The following RSBN1 variants were observed in gnomAD, a reference collection of about 807,000 sequenced individuals.
RSBN1 encodes lysine-specific demethylase 9.
RSBN1 carries 23 observed loss-of-function variants against 74.8 expected under a neutral mutation model. That is an observed-to-expected ratio of 0.31 (90% confidence interval 0.22 to 0.44). The LOEUF (loss-of-function observed/expected upper bound fraction) is 0.44. Among genes scored for constraint, RSBN1 ranks in the 20% least tolerant of loss-of-function variants. RSBN1 has a pLI of 1.00. For missense variants in RSBN1, 808 were observed against 1,020.9 expected, an observed-to-expected ratio of 0.79 and a Z score of 2.84; for synonymous variants, 407 against 379.6, an observed-to-expected ratio of 1.07 and a Z score of -0.84.
intron 1 of RSBN1, among the ~76,000 whole-genome samples, chr1:113,802,827 A>T (rs1313069637): frequency 6.6e-6 from 1 of 152,076 alleles, no homozygotes; most frequent in Non-Finnish European, 1.5e-5. Flanking sequence ...GTTACAACTG[A>T]TAAGTCTACA....
rs115157007 is a variant in RSBN1 at position 113,792,877 on chromosome 1, C to T, written c.1377+4486G>A. Among the ~76,000 whole-genome samples the T allele has an allele frequency of 2.3e-3, 345 of 152,128 alleles. 4 individuals carry two copies. The highest frequency in any genetic ancestry group is 8.0e-3 in the African/African-American group (330 of 41,502). On this transcript the variant is annotated intron_variant, in intron 2 of 6. Coordinates refer to ENST00000261441, the MANE Select transcript of RSBN1 (RefSeq NM_018364.5). ...GGAAACTCAACTTTATAAAGTTATC[C>T]TGTATCAACTGCTAAGAGTTAAGTA...
intron 2 of RSBN1, among the ~76,000 whole-genome samples, chr1:113,787,434 T>C (rs571622927): frequency 6.6e-6 from 1 of 152,330 alleles, no homozygotes; most frequent in South Asian, 2.1e-4. Context: ...CTAACTTTTA[T>C]AGAAGGCAAG....
intron 1 of RSBN1, among the ~76,000 whole-genome samples, chr1:113,804,874 C>T (rs1488635370): frequency 1.4e-5 from 2 of 146,892 alleles, no homozygotes; most frequent in African/African-American, 5.1e-5. Flanking sequence ...AACACTTACA[C>T]TCGGTGATAG....
intron 1 of RSBN1, among the ~76,000 whole-genome samples, chr1:113,802,745 C>G (rs1466856224): frequency 2.0e-5 from 3 of 151,664 alleles, no homozygotes; most frequent in Non-Finnish European, 4.4e-5. Flanking sequence ...AGAACTATAA[C>G]CACACCTGGC....
chr1:113,796,938 T>C (rs964998290), intron 2 of RSBN1, among the ~76,000 whole-genome samples: 3 of 152,144 alleles, frequency 2.0e-5, no homozygotes, highest in African/African-American at 7.2e-5. Flanking sequence ...TGCCAACAAG[T>C]TACTGAAAGA....
intron 4 of RSBN1, among the ~76,000 whole-genome samples, chr1:113,769,986 C>G (rs956699812): frequency 6.6e-6 from 1 of 152,184 alleles, no homozygotes; most frequent in Non-Finnish European, 1.5e-5. Flanking sequence ...AATTCCCTGA[C>G]AGAACCCTAA....
intron 1 of RSBN1, among the ~76,000 whole-genome samples, chr1:113,808,677 A>G (rs188851984): frequency 1.3e-5 from 2 of 152,206 alleles, no homozygotes; most frequent in Admixed American, 1.3e-4. Context: ...GATGGATCTC[A>G]GGGACATCAC....
At chr1:113,783,483 G>A (rs1660176652) in intron 2 of RSBN1, among the ~76,000 whole-genome samples, 1 of 151,250 alleles carries the variant, frequency 6.6e-6, no homozygotes, top group Admixed American at 6.6e-5. Flanking sequence ...GAAAAAAATA[G>A]ATAAAACAAA....
intron 1 of RSBN1, among the ~76,000 whole-genome samples, chr1:113,811,301 C>G (rs1437679068): frequency 6.6e-6 from 1 of 152,190 alleles, no homozygotes; most frequent in African/African-American, 2.4e-5. Flanking sequence ...AACCATACCC[C>G]TGACTATTCT....
chr1:113,784,100 G>A (rs1660193375), intron 2 of RSBN1, among the ~76,000 whole-genome samples: 1 of 152,092 alleles, frequency 6.6e-6, no homozygotes, highest in African/African-American at 2.4e-5. Flanking sequence ...GAGGAAGAAT[G>A]CAAGAAATCA....
At chr1:113,783,004 T>G (rs1341505149) in intron 2 of RSBN1, among the ~76,000 whole-genome samples, 1 of 152,208 alleles carries the variant, frequency 6.6e-6, no homozygotes, top group East Asian at 1.9e-4. Context: ...TGTTATTGGG[T>G]TGTTTGAATT....
At chr1:113,795,314 G>GGGAA (rs1224341930) in intron 2 of RSBN1, among the ~76,000 whole-genome samples, 9 of 152,168 alleles carry the variant, frequency 5.9e-5, no homozygotes, top group Non-Finnish European at 1.2e-4. Flanking sequence ...TTTCTTCCAT[G>GGGAA]GGAAACACAG....
rs1415733677 is a variant in RSBN1 at position 113,763,044 on chromosome 1, G to A, written c.*2936C>T. 1 of 152,742 alleles carries A rather than the reference G, an allele frequency of 6.5e-6. No homozygotes were observed. Among genetic ancestry groups the A allele is most frequent in the Non-Finnish European group, 1.5e-5 (1 of 68,034 alleles). 9.5% of individuals were successfully genotyped at this position (152,742 alleles called of 1,614,324 possible). A position where few individuals can be genotyped will look rare whatever the true frequency, so the allele number is the denominator to read the frequency against. On this transcript the variant is annotated 3_prime_UTR_variant, in exon 7 of 7. Transcript: ENST00000261441. ...CAATTTTTAGAGTTAAAACTTTGGA[G>A]GAGAGAACATACTATATAGGTTTTT...
At chr1:113,802,609 AG>A in intron 1 of RSBN1, among the ~76,000 whole-genome samples, 1 of 152,242 alleles carries the variant, frequency 6.6e-6, no homozygotes, top group African/African-American at 2.4e-5. Flanking sequence ...TGGTGTTTTA[AG>A]AGCGCTGTCT....
At chr1:113,780,014 C>T (rs1403800955) in intron 2 of RSBN1, among the ~76,000 whole-genome samples, 1 of 150,926 alleles carries the variant, frequency 6.6e-6, no homozygotes, top group Non-Finnish European at 1.5e-5. Context: ...GGCAAGACTC[C>T]GTCTCAAAAA....
chr1:113,787,798 C>A (rs762077673), intron 2 of RSBN1, among the ~76,000 whole-genome samples: 15 of 152,142 alleles, frequency 9.9e-5, no homozygotes, highest in Non-Finnish European at 1.8e-4. Flanking sequence ...TCTTTAAACA[C>A]TAATATTTAG....
chr1:113,763,607 A>C lies in RSBN1; in HGVS notation c.*2373T>G, dbSNP rs1659725668. 1 of 152,808 alleles carries C rather than the reference A, an allele frequency of 6.5e-6. No individual in the cohort carries two copies. The highest frequency in any genetic ancestry group is 1.5e-5 in the Non-Finnish European group (1 of 68,036). The allele number at this position is 152,808 out of a possible 1,614,324, so 9.5% of individuals were successfully genotyped here. A position where few individuals can be genotyped will look rare whatever the true frequency, so the allele number is the denominator to read the frequency against. Reference sequence around the variant, plus strand: ...TACTCACATAGGACATTCAGTTTTCAGATCACGTTACTAGCTAAATGTTTC... The same window carrying C: ...TACTCACATAGGACATTCAGTTTTCCGATCACGTTACTAGCTAAATGTTTC... On this transcript the variant is annotated 3_prime_UTR_variant, in exon 7 of 7. Transcript: ENST00000261441.
intron 4 of RSBN1, 54 bp downstream of exon 4, chr1:113,777,156 A>C (rs901452059): frequency 1.3e-6 from 2 of 1,541,018 alleles, no homozygotes; most frequent in Non-Finnish European, 1.8e-6. Flanking sequence ...CATTTTTATA[A>C]GCAACCAACT....
intron 1 of RSBN1, among the ~76,000 whole-genome samples, chr1:113,803,128 C>T (rs1217377): frequency 0.77 from 116,756 of 152,134 alleles, 45,737 homozygotes; most frequent in African/African-American, 0.9. Context: ...ATGGCTTCTT[C>T]CACTTGGTAA....
Sources: allele counts gnomAD v4.1 joint callset (sites outside exome capture counted in the v4.1 genomes callset), GRCh38; gene constraint gnomAD v4.1.1; transcripts MANE v1.5; gene names NCBI Gene and HGNC (gene_info 2026-07-23, HGNC 2026-07-21).